The following AP2A1 variants were observed in gnomAD, a reference collection of about 807,000 sequenced individuals.
AP2A1 encodes the protein adaptor related protein complex 2 subunit alpha 1, also known as AP-2 complex subunit alpha-1.
Under a neutral mutation model 107.3 loss-of-function variants are expected in AP2A1, and 21 were observed. The observed-to-expected ratio is 0.20, with a 90% CI of 0.14 to 0.28. The LOEUF (loss-of-function observed/expected upper bound fraction) is 0.28, where lower values mean the gene tolerates loss of function less well. Ranked by LOEUF, AP2A1 falls within the 10% of genes least tolerant of loss-of-function variation. The pLI, the probability that AP2A1 is intolerant of heterozygous loss-of-function variation, is 1.00. For synonymous variants in AP2A1, 602 were observed against 564.8 expected, an observed-to-expected ratio of 1.07 and a Z score of -0.93; for missense variants, 873 against 1,307.7, an observed-to-expected ratio of 0.67 and a Z score of 5.13.
chr19:49,767,061 C>A lies in AP2A1; in HGVS notation c.-73C>A. The A allele has an allele frequency of 1.3e-6, 2 of 1,504,870 alleles. No individual in the cohort carries two copies. The highest frequency in any genetic ancestry group is 1.8e-6 in the Non-Finnish European group (2 of 1,124,490). The allele number at this position is 1,504,870 out of a possible 1,614,324, so 93.2% of individuals were successfully genotyped here. On this transcript the variant is annotated 5_prime_UTR_variant, in exon 1 of 23. Coordinates refer to ENST00000354293, the MANE Select transcript of AP2A1 (RefSeq NM_130787.3). ...TGGCGCTGCCTGGGGTCCTTTCCGC[C>A]CGGTCCCCGCTTGCCAGCCCCCGCT...
chr19:49,800,402 C>T (rs2073263576), intron 11 of AP2A1, among the ~76,000 whole-genome samples: 1 of 152,224 alleles, frequency 6.6e-6, no homozygotes, highest in Non-Finnish European at 1.5e-5. Context: ...CCCCGGATCT[C>T]GGTAGTTTCC....
At chr19:49,782,364 G>A (rs1233399934) in intron 3 of AP2A1, among the ~76,000 whole-genome samples, 167 bp from the exon 4 acceptor site, 1 of 150,112 alleles carries the variant, frequency 6.7e-6, no homozygotes, top group Non-Finnish European at 1.5e-5. Context: ...TCTGAGGGAG[G>A]AGGGGCCTGG....
At chr19:49,800,238 C>T (rs2073260961) in intron 11 of AP2A1, 88 bp downstream of exon 11, 28 of 1,423,274 alleles carry the variant, frequency 2.0e-5, no homozygotes, top group African/African-American at 2.8e-5. Flanking sequence ...CCTGCCAGCC[C>T]GCAGCCACCC....
At chr19:49,805,972 A>G (rs915427941) in intron 21 of AP2A1, 31 bp downstream of exon 21, 2 of 1,613,512 alleles carry the variant, frequency 1.2e-6, no homozygotes, top group South Asian at 1.1e-5. Context: ...TTGCCGGCCT[A>G]TGGCTGCTTT....
In AP2A1 at chr19:49,784,409, G is replaced by T. The variant is rs1189464655; in HGVS notation, c.473+1685G>T. ...ATCATGCCACTGCACTCTAGCCTGG[G>T]TGACAGAGCAAGACTCTGTCTCAAA... On this transcript the variant is annotated intron_variant, in intron 4 of 22. Transcript: ENST00000354293. 5.3e-5 allele frequency among the ~76,000 whole-genome samples: 8 copies of T among 151,546 alleles called. No individual in the cohort carries two copies. The East Asian group carries it at 1.4e-3, about 26-fold the overall frequency.
At chr19:49,780,469 CA>C (rs902626734) in intron 1 of AP2A1, among the ~76,000 whole-genome samples, 5 of 152,212 alleles carry the variant, frequency 3.3e-5, no homozygotes, top group South Asian at 2.1e-4. Flanking sequence ...AAATGGAGGC[CA>C]GGGGGCCTGG....
chr19:49,777,702 G>C lies in AP2A1; in HGVS notation c.68-4055G>C, dbSNP rs368233936. 9.2e-5 allele frequency among the ~76,000 whole-genome samples: 14 copies of C among 152,020 alleles called. No homozygotes were observed. In the East Asian group the frequency reaches 1.4e-3, roughly 15 times the overall value. Reference sequence around the variant, plus strand: ...TGCCTATAATCCCAGCACTTCGGGAGGCTGAGGTGGGCGGAGGAGTTGAGA... The same window carrying C: ...TGCCTATAATCCCAGCACTTCGGGACGCTGAGGTGGGCGGAGGAGTTGAGA... On this transcript the variant is annotated intron_variant, in intron 1 of 22. Transcript: ENST00000354293.
chr19:49,775,592 G>A (rs1004021760), intron 1 of AP2A1, among the ~76,000 whole-genome samples: 1 of 152,226 alleles, frequency 6.6e-6, no homozygotes, highest in Non-Finnish European at 1.5e-5. Flanking sequence ...TGGGATTACA[G>A]GTATGAGCCT....
intron 10 of AP2A1, 87 bp from the exon 11 acceptor site, chr19:49,799,881 G>C: frequency 6.4e-7 from 1 of 1,570,996 alleles, no homozygotes; most frequent in South Asian, 1.2e-5. Context: ...TGGGTCTCCA[G>C]ATGGGGGCAG....
intron 3 of AP2A1, 115 bp from the exon 4 acceptor site, chr19:49,782,416 C>A: frequency 8.8e-7 from 1 of 1,139,874 alleles, no homozygotes; most frequent in Non-Finnish European, 1.2e-6. Flanking sequence ...GGCCTGGGGG[C>A]CTGGACTCCT....
At chr19:49,770,478 G>C (rs184395132) in intron 1 of AP2A1, among the ~76,000 whole-genome samples, 35 of 152,286 alleles carry the variant, frequency 2.3e-4, no homozygotes, top group African/African-American at 7.7e-4. Flanking sequence ...CCCTGTGGGG[G>C]AGAAGGTGCA....
chr19:49,800,564 C>T (rs1206064244), intron 11 of AP2A1: 5 of 260,208 alleles, frequency 1.9e-5, no homozygotes, highest in South Asian at 5.2e-5. Context: ...GGCCTCCCAG[C>T]GTCAAGCCAT....
chr19:49,799,194 A>T, intron 8 of AP2A1, 133 bp from the exon 9 acceptor site: 1 of 1,201,668 alleles, frequency 8.3e-7, no homozygotes, highest in Non-Finnish European at 1.1e-6. Context: ...GAGGTGCAGT[A>T]CTGCGATGCA....
In AP2A1 at chr19:49,805,680, G is replaced by A; in HGVS notation, c.2488G>A (p.Ala830Thr). 1 of 1,564,330 alleles carries A rather than the reference G, an allele frequency of 6.4e-7. No individual in the cohort carries two copies. Among genetic ancestry groups the A allele is most frequent in the Non-Finnish European group, 8.7e-7 (1 of 1,155,418 alleles). ...VRFRYGGAPQALTLKLPVTIN... is the reference protein window; with the variant it reads ...VRFRYGGAPQTLTLKLPVTIN... ...CATCAGGTACGGTGGCGCCCCCCAG[G>A]CCCTCACCCTGAAGCTCCCAGTGAC... Residue 830 changes from alanine (A) to threonine (T), a missense_variant, in exon 20 of 23, where the codon GCC (alanine) becomes ACC (threonine). Physicochemically the swap from Ala to Thr is moderately conservative, Grantham distance 58 (BLOSUM62 0). Transcript: ENST00000354293.
At chr19:49,787,356 T>TTTTTTTTTTTTG (rs2084754202) in intron 4 of AP2A1, among the ~76,000 whole-genome samples, 1 of 126,622 alleles carries the variant, frequency 7.9e-6, no homozygotes, top group Non-Finnish European at 1.6e-5. Context: ...TGTTTTTTGT[T>TTTTTTTTTTTTG]TTTTTTTTTT....
At chr19:49,768,694 A>C (rs1203136145) in intron 1 of AP2A1, among the ~76,000 whole-genome samples, 1 of 152,030 alleles carries the variant, frequency 6.6e-6, no homozygotes, top group Non-Finnish European at 1.5e-5. Context: ...TGTTATGATA[A>C]GGGGCGGGGC....
At chr19:49,797,833 C>T (rs1232307921) in intron 7 of AP2A1, among the ~76,000 whole-genome samples, 2 of 150,956 alleles carry the variant, frequency 1.3e-5, no homozygotes, top group African/African-American at 4.8e-5. Flanking sequence ...GTCATCCCAG[C>T]ACTTTGGGAG....
chr19:49,792,696 G>C (rs1347462633), intron 5 of AP2A1, among the ~76,000 whole-genome samples: 1 of 152,068 alleles, frequency 6.6e-6, no homozygotes, highest in Non-Finnish European at 1.5e-5. Context: ...AACCTTGACT[G>C]TCCCACCCCC....
intron 1 of AP2A1, among the ~76,000 whole-genome samples, chr19:49,779,499 A>AAAC (rs2084651901): frequency 6.6e-6 from 1 of 150,814 alleles, no homozygotes; most frequent in Non-Finnish European, 1.5e-5. Flanking sequence ...AAAAAAAAAA[A>AAAC]AAAAAAAAAA....
Sources: gnomAD v4.1 joint callset for allele counts (sites outside exome capture counted in the v4.1 genomes callset) on GRCh38, gnomAD v4.1.1 for gene constraint, MANE v1.5 for transcripts, NCBI Gene and HGNC (gene_info 2026-07-23, HGNC 2026-07-21) for gene names.